Variants in CSNK2A2IP observed in about 807,000 individuals in gnomAD.
The protein encoded by CSNK2A2IP is casein kinase 2 subunit alpha' interacting protein.
chr3:88,351,519 T>A, the CSNK2A2IP span, among the ~76,000 whole-genome samples: 2 of 152,100 alleles, frequency 1.3e-5, no homozygotes, highest in Non-Finnish European at 2.9e-5. Flanking sequence ...CTAGTGATAA[T>A]CATAGTCAAT....
the CSNK2A2IP span, among the ~76,000 whole-genome samples, chr3:88,452,074 G>A: frequency 6.6e-6 from 1 of 152,076 alleles, no homozygotes; most frequent in Non-Finnish European, 1.5e-5. Context: ...GATACTGTGA[G>A]AGGAAAGAAT....
chr3:88,463,256 T>C, the CSNK2A2IP span, among the ~76,000 whole-genome samples: 1 of 151,614 alleles, frequency 6.6e-6, no homozygotes. Flanking sequence ...CACTTTAGTT[T>C]TTTTTTTTTT....
At chr3:88,408,153 A>G in the CSNK2A2IP span, among the ~76,000 whole-genome samples, 1 of 152,248 alleles carries the variant, frequency 6.6e-6, no homozygotes, top group African/African-American at 2.4e-5. Flanking sequence ...GCCCAGAGAA[A>G]AGAAATAGAA....
the CSNK2A2IP span, among the ~76,000 whole-genome samples, chr3:88,397,709 T>C: frequency 6.6e-6 from 1 of 152,052 alleles, no homozygotes; most frequent in Non-Finnish European, 1.5e-5. Flanking sequence ...TATAATATTA[T>C]TGTGCAAAAT....
the CSNK2A2IP span, among the ~76,000 whole-genome samples, chr3:88,349,802 T>TTG: frequency 6.6e-6 from 1 of 152,056 alleles, no homozygotes; most frequent in African/African-American, 2.4e-5. Context: ...ATCTATTTTT[T>TTG]TGTGTGTGTG....
At chr3:88,440,461 G>T in the CSNK2A2IP span, among the ~76,000 whole-genome samples, 2 of 152,104 alleles carry the variant, frequency 1.3e-5, no homozygotes, top group Non-Finnish European at 2.9e-5. Context: ...AACTCTGGCA[G>T]ATAAAAAATG....
chr3:88,356,461 G>C, the CSNK2A2IP span, among the ~76,000 whole-genome samples: 1 of 151,870 alleles, frequency 6.6e-6, no homozygotes, highest in South Asian at 2.1e-4. Context: ...AATATTCCAT[G>C]GTGTATTTGT....
the CSNK2A2IP span, chr3:88,465,885 T>C: frequency 1.6e-6 from 2 of 1,231,670 alleles, no homozygotes; most frequent in South Asian, 8.2e-5. Flanking sequence ...TGAAGTCTCA[T>C]CAAAGAGTCT....
At chr3:88,459,059 A>C in the CSNK2A2IP span, among the ~76,000 whole-genome samples, 1 of 152,170 alleles carries the variant, frequency 6.6e-6, no homozygotes, top group South Asian at 2.1e-4. Context: ...TATTAATGAA[A>C]AAGAGTTATT....
At chr3:88,403,064 A>AT in the CSNK2A2IP span, among the ~76,000 whole-genome samples, 1 of 151,860 alleles carries the variant, frequency 6.6e-6, no homozygotes, top group Non-Finnish European at 1.5e-5. Context: ...AATTTGGCTT[A>AT]TTTTTTGTGG....
chr3:88,343,978 T>C, the CSNK2A2IP span, among the ~76,000 whole-genome samples: 2 of 151,976 alleles, frequency 1.3e-5, no homozygotes, highest in East Asian at 3.9e-4. Flanking sequence ...TGGCACATAA[T>C]GAGAAATTCT....
At chr3:88,342,367 G>C in the CSNK2A2IP span, among the ~76,000 whole-genome samples, 4 of 151,976 alleles carry the variant, frequency 2.6e-5, no homozygotes, top group Admixed American at 6.6e-5. Flanking sequence ...CCAGTGAAAT[G>C]TAGCCAGCTG....
At chr3:88,445,918 CTT>C in the CSNK2A2IP span, among the ~76,000 whole-genome samples, 6 of 149,444 alleles carry the variant, frequency 4.0e-5, no homozygotes, top group South Asian at 1.3e-3. Context: ...TTCTTTCTCT[CTT>C]TCTTTCTTTC....
the CSNK2A2IP span, among the ~76,000 whole-genome samples, chr3:88,425,159 T>G: frequency 6.6e-6 from 1 of 152,014 alleles, no homozygotes; most frequent in South Asian, 2.1e-4. Context: ...AACACAATCA[T>G]AATCAGAAAA....
At chr3:88,466,316 T>A in the CSNK2A2IP span, 1 of 1,231,770 alleles carries the variant, frequency 8.1e-7, no homozygotes, top group East Asian at 3.2e-5. Context: ...TTGTTTCAGC[T>A]CAATTCTCAG....
chr3:88,356,746 T>G, the CSNK2A2IP span, among the ~76,000 whole-genome samples: 1 of 152,112 alleles, frequency 6.6e-6, no homozygotes, highest in Non-Finnish European at 1.5e-5. Flanking sequence ...TTTTTCCACA[T>G]CCTCGCCAAC....
At chr3:88,420,487 A>G in the CSNK2A2IP span, among the ~76,000 whole-genome samples, 1 of 152,340 alleles carries the variant, frequency 6.6e-6, no homozygotes, top group East Asian at 1.9e-4. Flanking sequence ...AATGAGATTT[A>G]TAAAATCTTA....
the CSNK2A2IP span, among the ~76,000 whole-genome samples, chr3:88,360,298 T>C: frequency 6.6e-6 from 1 of 151,856 alleles, no homozygotes; most frequent in African/African-American, 2.4e-5. Context: ...AACGCCCGGC[T>C]ATTTTTTTGT....
chr3:88,343,810 T>C, the CSNK2A2IP span, among the ~76,000 whole-genome samples: 19 of 151,876 alleles, frequency 1.3e-4, no homozygotes, highest in African/African-American at 4.1e-4. Context: ...AGTTAATATA[T>C]AAGCAAGTTA....
Sources: allele counts gnomAD v4.1 joint callset (sites outside exome capture counted in the v4.1 genomes callset), GRCh38; gene constraint gnomAD v4.1.1; transcripts MANE v1.5; gene names NCBI Gene and HGNC (gene_info 2026-07-23, HGNC 2026-07-21).